The following ZNF462 variants were observed in gnomAD, a reference collection of about 807,000 sequenced individuals.
ZNF462 encodes the protein zinc finger protein 462, also known as zinc finger PBX1-interacting protein.
A neutral mutation model predicts 201.9 loss-of-function variants in ZNF462; 10 were observed. The observed-to-expected ratio is 0.05, with a 90% CI of 0.03 to 0.08. ZNF462 has a LOEUF of 0.08. ZNF462 is among the 10% of genes least tolerant of loss of function. ZNF462 has a pLI of 1.00. For missense variants in ZNF462, 2,523 were observed against 3,168.3 expected (o/e 0.80, Z 4.89); for synonymous variants, 1,227 against 1,193.3 (o/e 1.03, Z -0.58).
chr9:106,990,569 GAC>G (rs953176289), intron 10 of ZNF462, among the ~76,000 whole-genome samples: 1 of 151,784 alleles, frequency 6.6e-6, no homozygotes, highest in African/African-American at 2.4e-5. Context: ...TCTTAGTTTA[GAC>G]ACAGTCTTTA....
At chr9:106,910,801 A>G (rs1406383639) in intron 1 of ZNF462, among the ~76,000 whole-genome samples, 2 of 152,178 alleles carry the variant, frequency 1.3e-5, no homozygotes, top group Non-Finnish European at 2.9e-5. Context: ...AGCCTAAAGC[A>G]TATATCCTTC....
rs562382183 is a variant in ZNF462 at position 106,878,061 on chromosome 9, T to G, written c.-31+14706T>G. ...TGTCACATGTGTTCAGTTCGTGACA[T>G]GTAGGATCCTTGCTTATTTGTGACT... On this transcript the variant is annotated intron_variant, in intron 1 of 12. Coordinates refer to ENST00000277225, the MANE Select transcript of ZNF462 (RefSeq NM_021224.6). 2.0e-5 allele frequency among the ~76,000 whole-genome samples: 3 copies of G among 152,308 alleles called. No individual in the cohort carries two copies. The East Asian group carries it at 5.8e-4, about 29-fold the overall frequency.
At chr9:106,897,030 T>G (rs908050778) in intron 1 of ZNF462, among the ~76,000 whole-genome samples, 2 of 152,238 alleles carry the variant, frequency 1.3e-5, no homozygotes, top group Non-Finnish European at 2.9e-5. Context: ...TTTTCTGATT[T>G]CTCTGAAAAC....
rs1826697304 is a variant in ZNF462, at chr9:106,972,814, A to G, written c.6695+542A>G. Among the ~76,000 whole-genome samples, 1 of 152,196 alleles carries G rather than the reference A, an allele frequency of 6.6e-6. No homozygotes were observed. The highest frequency in any genetic ancestry group is 1.5e-5 in the Non-Finnish European group (1 of 68,026). On this transcript the variant is annotated intron_variant, in intron 8 of 12. Transcript: ENST00000277225. The surrounding 1 kb of genome is among the most constrained non-coding windows in gnomAD (Gnocchi z 4.8). The stretch of plus-strand genomic sequence containing the variant: ...GCTCCAGTCTAGAAAAAGAGAATCC[A>G]TAGTCACCCTTGCCCCTGTGGATGA...
At chr9:106,861,338 A>G (rs965351822), upstream of ZNF462, among the ~76,000 whole-genome samples, 18 of 151,946 alleles carry the variant, frequency 1.2e-4, no homozygotes, top group Non-Finnish European at 1.6e-4. Flanking sequence ...CCTTTATTGT[A>G]TGGATTTATA....
At chr9:106,862,560 C>A (rs1233018483), upstream of ZNF462, among the ~76,000 whole-genome samples, 1 of 150,710 alleles carries the variant, frequency 6.6e-6, no homozygotes, top group Admixed American at 6.6e-5. This position sits in a 1 kb window ranked among gnomAD's most constrained non-coding sequence, Gnocchi z 4.2. Flanking sequence ...TCTCCTTTGC[C>A]TCCTTCTCCT....
rs74808090 is a variant in ZNF462 at position 106,889,677 on chromosome 9, G to T, written c.-31+26322G>T. ...TTAAATACTTACTGAGCATTTGACT[G>T]CTTCCCAGGCTTTGTGCTAAATGTT... On this transcript the variant is annotated intron_variant, in intron 1 of 12. Coordinates refer to ENST00000277225, the MANE Select transcript of ZNF462 (RefSeq NM_021224.6). Among the ~76,000 whole-genome samples the T allele has an allele frequency of 5.7e-3, 864 of 152,116 alleles. 2 individuals are homozygous for T. The highest frequency in any genetic ancestry group is 0.017 in the Middle Eastern group (5 of 294).
chr9:106,869,491 AAAG>A (rs1414767424), intron 1 of ZNF462, among the ~76,000 whole-genome samples: 2 of 152,228 alleles, frequency 1.3e-5, no homozygotes, highest in East Asian at 1.9e-4. Context: ...GTGATTTTGT[AAAG>A]AAGAAGAGTG....
rs1162684392 is a variant in ZNF462 at position 106,926,063 on chromosome 9, G to C, written c.2151G>C (p.Val717=). Residue 717 remains valine (V), a synonymous_variant, in exon 3 of 13, where the codon GTG becomes GTC. Transcript: ENST00000277225. This position sits in a 1 kb window ranked among gnomAD's most constrained non-coding sequence, Gnocchi z 7.9. ...AAACCAAACAGCAGGAAGATGCAGT[G>C]ATCAATGTTGAGGATGATGAAGAGG... ...INQTKQQEDA[V]INVEDDEEEE... 6.2e-7 allele frequency: 1 copy of C among 1,614,222 alleles called. No homozygotes were observed.
chr9:106,875,264 T>C (rs1164626841), intron 1 of ZNF462, among the ~76,000 whole-genome samples: 1 of 152,176 alleles, frequency 6.6e-6, no homozygotes, highest in African/African-American at 2.4e-5. Flanking sequence ...ATAGCTTGTG[T>C]TGGTGTCTAC....
Position 107,003,163 on chromosome 9 carries a change from C to G in ZNF462, c.7057-131C>G. ...AAAACGAAGAAAAAGACCTCTTAGG[C>G]CCCGGAGTTGTTTGGTCCTGGTTGC... On this transcript the variant is annotated intron_variant, in intron 10 of 12. Coordinates refer to ENST00000277225, the MANE Select transcript of ZNF462 (RefSeq NM_021224.6). The surrounding 1 kb of genome is among the most constrained non-coding windows in gnomAD (Gnocchi z 4.4). 8.4e-7 allele frequency: 1 copy of G among 1,192,422 alleles called. No homozygotes were observed. Among genetic ancestry groups the G allele is most frequent in the Non-Finnish European group, 1.2e-6 (1 of 849,332 alleles). The allele number at this position is 1,192,422 out of a possible 1,614,324, so 73.9% of individuals were successfully genotyped here. A position where few individuals can be genotyped will look rare whatever the true frequency, so the allele number is the denominator to read the frequency against.
rs918231440 is a variant in ZNF462, at chr9:107,009,456, T to C, written c.7190-89T>C. The C allele has an allele frequency of 8.4e-6, 13 of 1,544,528 alleles. No homozygotes were observed. In the African/African-American group the frequency reaches 1.4e-4, roughly 16 times the overall value. On this transcript the variant is annotated intron_variant, in intron 11 of 12. Transcript: ENST00000277225. The surrounding 1 kb of genome is among the most constrained non-coding windows in gnomAD (Gnocchi z 6.1). Reference sequence around the variant, plus strand: ...CACCACATGGCTTTATCAGTGAAGGTAGGAGAGAGGGTATCCTAATGAATG... The same window carrying C: ...CACCACATGGCTTTATCAGTGAAGGCAGGAGAGAGGGTATCCTAATGAATG...
chr9:107,011,056 C>T lies in ZNF462; in HGVS notation c.*26C>T. On this transcript the variant is annotated 3_prime_UTR_variant, in exon 13 of 13. Coordinates refer to ENST00000277225, the MANE Select transcript of ZNF462 (RefSeq NM_021224.6). The surrounding 1 kb of genome is among the most constrained non-coding windows in gnomAD (Gnocchi z 5.6). ...GCGTTTGGTGAAATTCTTAATCAAACCTTACTTGAACAGTGATGAAAAAGT... is the reference window on the plus strand; with the variant it reads ...GCGTTTGGTGAAATTCTTAATCAAATCTTACTTGAACAGTGATGAAAAAGT... The T allele has an allele frequency of 6.2e-7, 1 of 1,608,826 alleles. No homozygotes were observed. Among genetic ancestry groups the T allele is most frequent in the Non-Finnish European group, 8.5e-7 (1 of 1,178,248 alleles).
chr9:106,985,868 A>G (rs930173228), intron 10 of ZNF462, among the ~76,000 whole-genome samples: 2 of 152,074 alleles, frequency 1.3e-5, no homozygotes, highest in Non-Finnish European at 2.9e-5. Context: ...GAATGCACTT[A>G]TTTTCCAATG....
chr9:106,930,704 G>T lies in ZNF462; in HGVS notation c.6012+15G>T, dbSNP rs930718535. On this transcript the variant is annotated intron_variant, in intron 4 of 12. Transcript: ENST00000277225. The surrounding 1 kb of genome is among the most constrained non-coding windows in gnomAD (Gnocchi z 5.8). ...CTGCTGTGAAGGTGAGAACTGGAAG[G>T]TCTGGATGAGCATTGTGTGTGAGCG... 6.2e-7 allele frequency: 1 copy of T among 1,613,620 alleles called. No homozygotes were observed. Among genetic ancestry groups the T allele is most frequent in the Non-Finnish European group, 8.5e-7 (1 of 1,179,820 alleles).
intron 9 of ZNF462, among the ~76,000 whole-genome samples, chr9:106,980,112 A>C (rs1306143749): frequency 6.6e-6 from 1 of 152,170 alleles, no homozygotes; most frequent in Admixed American, 6.5e-5. Flanking sequence ...CCTTTGCCTG[A>C]TAGAATTAGA....
chr9:106,909,079 C>T (rs1421175371), intron 1 of ZNF462, among the ~76,000 whole-genome samples: 2 of 148,446 alleles, frequency 1.3e-5, no homozygotes, highest in African/African-American at 5.0e-5. Flanking sequence ...TCTCCTGTCT[C>T]AGCCTCCCGA....
intron 7 of ZNF462, among the ~76,000 whole-genome samples, chr9:106,961,602 T>C (rs900607391): frequency 2.6e-5 from 4 of 151,928 alleles, no homozygotes; most frequent in East Asian, 3.9e-4. Context: ...CTGGACTAAG[T>C]TCTGGGGTAC....
rs562169550 is a variant in ZNF462, at chr9:106,885,199, C to T, written c.-31+21844C>T. Among the ~76,000 whole-genome samples, 65 of 152,186 alleles carry T rather than the reference C, an allele frequency of 4.3e-4. No individual in the cohort carries two copies. The highest frequency in any genetic ancestry group is 8.2e-4 in the Non-Finnish European group (56 of 68,038). On this transcript the variant is annotated intron_variant, in intron 1 of 12. Transcript: ENST00000277225. The surrounding 1 kb of genome is among the most constrained non-coding windows in gnomAD (Gnocchi z 4.1). The stretch of plus-strand genomic sequence containing the variant: ...TACATGTTGTCTACTCCTAAAACAA[C>T]TATCACTACTACCATTAAACTCTCC...
Sources: gnomAD v4.1 joint callset for allele counts (sites outside exome capture counted in the v4.1 genomes callset) on GRCh38, gnomAD v4.1.1 for gene constraint, Gnocchi (gnomAD v3.1) non-coding constraint, MANE v1.5 for transcripts, NCBI Gene and HGNC (gene_info 2026-07-23, HGNC 2026-07-21) for gene names.